Variants in SPICE1 observed in about 807,000 individuals in gnomAD.
The protein encoded by SPICE1 is spindle and centriole-associated protein 1.
Under a neutral mutation model 102.7 loss-of-function variants are expected in SPICE1, and 75 were observed. That is an observed-to-expected ratio of 0.73 (90% confidence interval 0.61 to 0.88). The LOEUF is 0.88. Among genes scored for constraint, SPICE1 ranks in the 40% least tolerant of loss-of-function variants. The pLI, the probability that SPICE1 is intolerant of heterozygous loss-of-function variation, is 0.00. For missense variants in SPICE1, 979 were observed against 1,020.1 expected, an observed-to-expected ratio of 0.96 and a Z score of 0.55; for synonymous variants, 308 against 350.3, an observed-to-expected ratio of 0.88 and a Z score of 1.35.
rs538779470 is a variant in SPICE1, at chr3:113,484,114, T to G, written c.611+4831A>C. Among the ~76,000 whole-genome samples the G allele has an allele frequency of 1.1e-4, 17 of 152,350 alleles. No individual in the cohort carries two copies. In the South Asian group the frequency reaches 1.9e-3, roughly 17 times the overall value. On this transcript the variant is annotated intron_variant, in intron 7 of 17. Transcript: ENST00000295872. Reference sequence around the variant, plus strand: ...TCTGGTTTAGACTTGGGAGGGTGTATGTGTCCAGGAATTTATCCATTTCTT... The same window carrying G: ...TCTGGTTTAGACTTGGGAGGGTGTAGGTGTCCAGGAATTTATCCATTTCTT...
At chr3:113,457,082 G>A (rs1490892889) in intron 13 of SPICE1, 54 bp downstream of exon 13, 27 of 1,520,934 alleles carry the variant, frequency 1.8e-5, no homozygotes, top group African/African-American at 4.3e-5. Context: ...GTAATACATT[G>A]CACAAATGAA....
intron 1 of SPICE1, among the ~76,000 whole-genome samples, chr3:113,508,538 T>C (rs539317897): frequency 6.6e-6 from 1 of 152,284 alleles, no homozygotes; most frequent in East Asian, 1.9e-4. Flanking sequence ...TAATTAGTCA[T>C]TAGGGAAATG....
chr3:113,511,200 G>C (rs529956897), intron 1 of SPICE1, among the ~76,000 whole-genome samples: 108 of 152,182 alleles, frequency 7.1e-4, no homozygotes, highest in Non-Finnish European at 1.2e-3. Context: ...AAGACAGTGT[G>C]GCGATTCCTC....
rs1164329995 is a variant in SPICE1, at chr3:113,453,922, A to C, written c.1686T>G (p.Pro562=). 82 of 1,613,744 alleles carry C rather than the reference A, an allele frequency of 5.1e-5. No individual in the cohort carries two copies. Among genetic ancestry groups the C allele is most frequent in the Non-Finnish European group, 6.8e-5 (80 of 1,179,836 alleles). ...CCACAGTTGGAGGAAGTCGTGGAGCAGGACGAGTTTGAACAGTCCTTCTCA... is the reference window on the plus strand; with the variant it reads ...CCACAGTTGGAGGAAGTCGTGGAGCCGGACGAGTTTGAACAGTCCTTCTCA... ...DVLRRTVQTR[P]APRLPPTVEI... The change falls in exon 14 of 18, where the codon CCT becomes CCG. Residue 562 remains proline (P), a synonymous_variant. Coordinates refer to ENST00000295872, the MANE Select transcript of SPICE1 (RefSeq NM_144718.4).
chr3:113,467,803 GAC>G lies in SPICE1; in HGVS notation c.1155+334_1155+335del, dbSNP rs10539667. 9.2e-3 allele frequency among the ~76,000 whole-genome samples: 1,397 copies of G among 152,274 alleles called. 17 individuals carry two copies. Among genetic ancestry groups the G allele is most frequent in the African/African-American group, 0.023 (966 of 41,548 alleles). The stretch of plus-strand genomic sequence containing the variant: ...AAGCAGAGAATAGCAATAGAATGCA[GAC>G]ACAGTTAACAGTTCTATTTAATCTA... On this transcript the variant is annotated intron_variant, in intron 10 of 17. Transcript: ENST00000295872.
chr3:113,467,995 T>C, intron 10 of SPICE1, 144 bp downstream of exon 10: 1 of 1,023,718 alleles, frequency 9.8e-7, no homozygotes. Context: ...AAGCCTTTAC[T>C]GCAGATAATC....
chr3:113,509,209 T>C (rs932969119), intron 1 of SPICE1, among the ~76,000 whole-genome samples: 4 of 150,882 alleles, frequency 2.7e-5, no homozygotes, highest in Admixed American at 1.3e-4. Flanking sequence ...CTGAACTGTA[T>C]ACTTTAAAGG....
intron 11 of SPICE1, among the ~76,000 whole-genome samples, chr3:113,463,755 G>A (rs1559961086): frequency 6.6e-6 from 1 of 152,218 alleles, no homozygotes; most frequent in African/African-American, 2.4e-5. Flanking sequence ...CAAGAAGAGA[G>A]AATGAAGAGT....
rs573581298 is a variant in SPICE1 at position 113,453,358 on chromosome 3, T to C, written c.2142+108A>G. The C allele has an allele frequency of 1.5e-4, 215 of 1,415,192 alleles. 1 individual carries two copies. The African/African-American group carries it at 2.5e-3, about 17-fold the overall frequency. 87.7% of individuals were successfully genotyped at this position (1,415,192 alleles called of 1,614,324 possible). On this transcript the variant is annotated intron_variant, in intron 14 of 17. Transcript: ENST00000295872. The stretch of plus-strand genomic sequence containing the variant: ...CATGCCAAACATAAGCCATCTAGCC[T>C]CAAAGCTTTCTAGGATCACTTCTGA...
In SPICE1 at chr3:113,493,183, T is replaced by C. The variant is rs202129681; in HGVS notation, c.492+23A>G. The C allele has an allele frequency of 2.2e-4, 333 of 1,509,070 alleles. 1 individual carries two copies. The African/African-American group carries it at 3.8e-3, about 17-fold the overall frequency. 93.5% of individuals were successfully genotyped at this position (1,509,070 alleles called of 1,614,324 possible). A position where few individuals can be genotyped will look rare whatever the true frequency, so the allele number is the denominator to read the frequency against. On this transcript the variant is annotated intron_variant, in intron 6 of 17. Transcript: ENST00000295872. ...AAACTTCCTTTCAGCATGAGTGTTA[T>C]AGCTGTGAGTGGAACACATTACCTG...
chr3:113,473,810 C>T (rs948268992), intron 7 of SPICE1, among the ~76,000 whole-genome samples: 87 of 151,806 alleles, frequency 5.7e-4, no homozygotes, highest in Non-Finnish European at 8.5e-4. Context: ...AAGGAACAAC[C>T]GGTACCAGCC....
At chr3:113,454,144 T>C (rs1935726277) in intron 13 of SPICE1, among the ~76,000 whole-genome samples, 194 bp from the exon 14 acceptor site, 1 of 152,192 alleles carries the variant, frequency 6.6e-6, no homozygotes, top group Non-Finnish European at 1.5e-5. Context: ...AGAGACTTTT[T>C]ACATTCCTTA....
chr3:113,489,112 T>A, intron 6 of SPICE1, 49 bp from the exon 7 acceptor site: 8 of 1,165,582 alleles, frequency 6.9e-6, no homozygotes, highest in African/African-American at 1.5e-5. Context: ...ATATATATAC[T>A]CAGACTTTCT....
In SPICE1 at chr3:113,489,042, C is replaced by T. The variant is rs771212100; in HGVS notation, c.514G>A (p.Glu172Lys). ...TGGCTATTAACAGTTCCTTCTTCTTCACCATCTACATCATTAAGAGCCTGT... is the reference window on the plus strand; with the variant it reads ...TGGCTATTAACAGTTCCTTCTTCTTTACCATCTACATCATTAAGAGCCTGT... ...EPQALNDVDG[E>K]EEGTVNSQSG... Residue 172 changes from glutamate (E) to lysine (K), a missense_variant, in exon 7 of 18, where the codon GAA becomes AAA. By Grantham distance (56) the Glu-to-Lys change is moderately conservative (BLOSUM62 1). Transcript: ENST00000295872. The T allele has an allele frequency of 1.5e-5, 24 of 1,610,380 alleles. 1 individual carries two copies. In the South Asian group the frequency reaches 2.6e-4, roughly 18 times the overall value.
chr3:113,507,864 A>T (rs1937142348), intron 1 of SPICE1, among the ~76,000 whole-genome samples: 1 of 152,180 alleles, frequency 6.6e-6, no homozygotes, highest in African/African-American at 2.4e-5. Context: ...CAAACGAGAA[A>T]ACTGAGAGAC....
chr3:113,466,483 G>A (rs1420473478), intron 10 of SPICE1, among the ~76,000 whole-genome samples: 2 of 151,918 alleles, frequency 1.3e-5, no homozygotes, highest in African/African-American at 4.8e-5. Flanking sequence ...GGTGGTGCAC[G>A]CCTGTAGTCC....
intron 4 of SPICE1, among the ~76,000 whole-genome samples, chr3:113,497,874 T>C (rs1226368624): frequency 6.7e-6 from 1 of 149,614 alleles, no homozygotes; most frequent in African/African-American, 2.5e-5. Flanking sequence ...AGCTAATCTT[T>C]AGGGCTTTTT....
At chr3:113,510,424 A>G (rs1218391725) in intron 1 of SPICE1, among the ~76,000 whole-genome samples, 1 of 152,210 alleles carries the variant, frequency 6.6e-6, no homozygotes, top group Non-Finnish European at 1.5e-5. Context: ...AAAAGCAGAC[A>G]TATAGACCAA....
chr3:113,477,199 T>C (rs1389155032), intron 7 of SPICE1, among the ~76,000 whole-genome samples: 2 of 152,168 alleles, frequency 1.3e-5, no homozygotes, highest in Non-Finnish European at 2.9e-5. Context: ...TCACCATCAC[T>C]GGCCATCAGA....
Sources: allele counts gnomAD v4.1 joint callset (sites outside exome capture counted in the v4.1 genomes callset), GRCh38; gene constraint gnomAD v4.1.1; transcripts MANE v1.5; gene names NCBI Gene and HGNC (gene_info 2026-07-23, HGNC 2026-07-21).